CARM1: variants seen among roughly 807,000 people sequenced by gnomAD.
CARM1 encodes histone-arginine methyltransferase CARM1.
Under a neutral mutation model 72.7 loss-of-function variants are expected in CARM1, and 14 were observed. The ratio of observed to expected loss-of-function variants is 0.19; its 90% CI spans 0.13 to 0.30. The LOEUF (loss-of-function observed/expected upper bound fraction) is 0.30, where lower values mean the gene tolerates loss of function less well. Ranked by LOEUF, CARM1 falls within the 10% of genes least tolerant of loss-of-function variation. CARM1 has a pLI of 1.00. For missense variants in CARM1, 432 were observed against 833.7 expected (o/e 0.52, Z 5.93); for synonymous variants, 333 against 345.5 (o/e 0.96, Z 0.40).
chr19:10,874,913 A>G (rs1359016058), intron 1 of CARM1, among the ~76,000 whole-genome samples: 1 of 151,722 alleles, frequency 6.6e-6, no homozygotes, highest in African/African-American at 2.4e-5. Context: ...AGTCCCAGCT[A>G]CTCCGGAGGA....
Position 10,904,979 on chromosome 19 carries a change from A to T in CARM1, c.249A>T (p.Ser83=). 6.2e-7 allele frequency: 1 copy of T among 1,614,206 alleles called. No homozygotes were observed. The highest frequency in any genetic ancestry group is 1.3e-5 in the African/African-American group (1 of 75,062). The change falls in exon 2 of 16, where the codon TCA becomes TCT. Residue 83 remains serine, a synonymous_variant. Coordinates refer to ENST00000327064, the MANE Select transcript of CARM1 (RefSeq NM_199141.2). ...SHEDVCVFKC[S]VSRETECSRV... ...AAGATGTGTGTGTCTTTAAGTGCTC[A>T]GTGTCCCGAGAGACAGAGTGCAGCC... is the stretch of plus-strand genomic sequence containing the variant.
chr19:10,878,800 C>T (rs1367766881), intron 1 of CARM1, among the ~76,000 whole-genome samples: 1 of 151,650 alleles, frequency 6.6e-6, no homozygotes, highest in Non-Finnish European at 1.5e-5. Flanking sequence ...CCAGGTCCTC[C>T]CCCCGGCTTT....
At chr19:10,919,516 C>A in intron 8 of CARM1, 79 bp from the exon 9 acceptor site, 1 of 1,050,648 alleles carries the variant, frequency 9.5e-7, no homozygotes, top group Non-Finnish European at 1.5e-6. Flanking sequence ...GTGGGCAGAC[C>A]TGGGGGAAGG....
At chr19:10,893,863 G>C (rs1482840330) in intron 1 of CARM1, among the ~76,000 whole-genome samples, 7 of 152,234 alleles carry the variant, frequency 4.6e-5, no homozygotes, top group Non-Finnish European at 7.3e-5. Flanking sequence ...GCCAAGGCCA[G>C]GGCTGGAGAA....
intron 1 of CARM1, among the ~76,000 whole-genome samples, chr19:10,885,533 C>T (rs935469024): frequency 6.6e-6 from 1 of 152,184 alleles, no homozygotes. Flanking sequence ...GGCCCCTGGC[C>T]AATCAGTGCT....
chr19:10,918,514 C>T (rs2074215777), intron 8 of CARM1, among the ~76,000 whole-genome samples: 1 of 152,232 alleles, frequency 6.6e-6, no homozygotes, highest in Non-Finnish European at 1.5e-5. Context: ...TAAGCCACTG[C>T]ACCTGGCGTT....
intron 1 of CARM1, among the ~76,000 whole-genome samples, chr19:10,876,665 C>T (rs1183947930): frequency 3.3e-5 from 5 of 152,268 alleles, no homozygotes; most frequent in Non-Finnish European, 7.3e-5. Context: ...CAAATGGCAA[C>T]TACCAACACC....
chr19:10,878,752 G>A (rs902320924), intron 1 of CARM1, among the ~76,000 whole-genome samples: 42 of 151,646 alleles, frequency 2.8e-4, no homozygotes, highest in African/African-American at 9.7e-4. Flanking sequence ...AAGATTGTCA[G>A]GTGCCAAAGT....
chr19:10,882,534 CTTTTT>C (rs869046901), intron 1 of CARM1, among the ~76,000 whole-genome samples: 2 of 85,942 alleles, frequency 2.3e-5, no homozygotes, highest in African/African-American at 4.5e-5. Flanking sequence ...TGCACTCTGT[CTTTTT>C]TTTTTTTTTT....
In CARM1 at chr19:10,890,267, TTG is replaced by T. The variant is rs1555725180; in HGVS notation, c.221-14682_221-14681del. ...GTGGTTTTTTTGTTTTTTGTTTTGT[TTG>T]TTTTTTTTTTTTTTTGAGACAGAGT... On this transcript the variant is annotated intron_variant, in intron 1 of 15. Transcript: ENST00000327064. 3.4e-4 allele frequency among the ~76,000 whole-genome samples: 48 copies of T among 142,140 alleles called. 2 individuals carry two copies. The highest frequency in any genetic ancestry group is 3.8e-3 in the Middle Eastern group (1 of 260). 93.2% of individuals were successfully genotyped at this position (142,140 alleles called of 152,430 possible).
rs148822794 is a variant in CARM1 at position 10,887,574 on chromosome 19, G to A, written c.220+15652G>A. 1.5e-3 allele frequency among the ~76,000 whole-genome samples: 224 copies of A among 152,236 alleles called. 1 individual carries two copies. The highest frequency in any genetic ancestry group is 5.1e-3 in the African/African-American group (210 of 41,550). On this transcript the variant is annotated intron_variant, in intron 1 of 15. Coordinates refer to ENST00000327064, the MANE Select transcript of CARM1 (RefSeq NM_199141.2). ...AGGACATCCTGTGTCTCTGGCTGAT[G>A]GTCAAAACCTTTCCTTATTCTTTAT...
At chr19:10,909,255 T>G (rs780157001) in intron 4 of CARM1, 48 bp downstream of exon 4, 1 of 1,225,652 alleles carries the variant, frequency 8.2e-7, no homozygotes, top group South Asian at 1.3e-5. Context: ...GTCTCGGTTT[T>G]TTTTTTCTTT....
intron 1 of CARM1, among the ~76,000 whole-genome samples, chr19:10,876,206 T>G (rs2073863422): frequency 6.6e-6 from 1 of 152,042 alleles, no homozygotes; most frequent in Admixed American, 6.6e-5. Flanking sequence ...TTAAGTTTCT[T>G]CTAGCGATGC....
chr19:10,914,609 G>A (rs542569039), intron 6 of CARM1, among the ~76,000 whole-genome samples: 2 of 152,346 alleles, frequency 1.3e-5, no homozygotes, highest in African/African-American at 4.8e-5. Context: ...AGGCTGGAGT[G>A]CAGTGGTGCG....
chr19:10,919,781 G>T, intron 9 of CARM1, 96 bp from the exon 10 acceptor site: 1 of 1,499,886 alleles, frequency 6.7e-7, no homozygotes, highest in Non-Finnish European at 9.2e-7. Context: ...GGCAGATGGT[G>T]GGCGGGGGCC....
chr19:10,905,966 T>G (rs1241547701), intron 2 of CARM1, among the ~76,000 whole-genome samples: 19 of 139,698 alleles, frequency 1.4e-4, no homozygotes, highest in Non-Finnish European at 3.1e-5. Flanking sequence ...TTTTTTTTTT[T>G]GAGAAAGAGT....
At chr19:10,894,526 G>A (rs990906669) in intron 1 of CARM1, among the ~76,000 whole-genome samples, 16 of 152,044 alleles carry the variant, frequency 1.1e-4, no homozygotes, top group African/African-American at 2.2e-4. Context: ...AATACAAGAC[G>A]TACCATTTGG....
chr19:10,911,620 T>A (rs760771742), intron 4 of CARM1, among the ~76,000 whole-genome samples: 2 of 152,228 alleles, frequency 1.3e-5, no homozygotes, highest in African/African-American at 4.8e-5. Flanking sequence ...TGTCTGTCCT[T>A]GGTCTGCTCG....
rs143369082 is a variant in CARM1, at chr19:10,908,067, A to G, written c.375A>G (p.Lys125=). 1 of 1,613,762 alleles carries G rather than the reference A, an allele frequency of 6.2e-7. No homozygotes were observed. Among genetic ancestry groups the G allele is most frequent in the Non-Finnish European group, 8.5e-7 (1 of 1,179,908 alleles). The stretch of plus-strand genomic sequence containing the variant: ...TCTGTTCCTTCTACAACATCCTGAA[A>G]ACCTGCCGGGGCCACACCCTGGAGC... The part of the protein sequence containing the change: ...NDFCSFYNIL[K]TCRGHTLERS... The change falls in exon 3 of 16, where the codon AAA becomes AAG. Residue 125 remains lysine, a synonymous_variant. Coordinates refer to ENST00000327064, the MANE Select transcript of CARM1 (RefSeq NM_199141.2).
Sources: allele counts gnomAD v4.1 joint callset (sites outside exome capture counted in the v4.1 genomes callset), GRCh38; gene constraint gnomAD v4.1.1; transcripts MANE v1.5; gene names NCBI Gene and HGNC (gene_info 2026-07-23, HGNC 2026-07-21).